ADAMTS9: variants seen among roughly 807,000 people sequenced by gnomAD.
ADAMTS9 encodes A disintegrin and metalloproteinase with thrombospondin motifs 9.
A neutral mutation model predicts 257.1 loss-of-function variants in ADAMTS9; 107 were observed. The observed-to-expected ratio is 0.42, with a 90% CI of 0.36 to 0.49. The LOEUF is 0.49. Ranked by LOEUF, ADAMTS9 falls within the 20% of genes least tolerant of loss-of-function variation. The pLI, the probability that ADAMTS9 is intolerant of heterozygous loss-of-function variation, is 0.03. For missense variants in ADAMTS9, 2,353 were observed against 2,469.1 expected (o/e 0.95, Z 1.00); for synonymous variants, 982 against 880.9 (o/e 1.11, Z -2.03).
intron 28 of ADAMTS9, chr3:64,590,078 G>A (rs904893073): frequency 6.6e-6 from 1 of 152,170 alleles, no homozygotes; most frequent in African/African-American, 2.4e-5. Flanking sequence ...AATAAATGGA[G>A]CATGCATATT....
chr3:64,595,319 GTTC>G (rs1175855306), intron 27 of ADAMTS9, among the ~76,000 whole-genome samples: 1 of 152,128 alleles, frequency 6.6e-6, no homozygotes, highest in African/African-American at 2.4e-5. Context: ...ACTGGATAAG[GTTC>G]TGACTCCTGG....
chr3:64,522,548 T>C (rs1420353196), intron 38 of ADAMTS9: 3 of 251,624 alleles, frequency 1.2e-5, no homozygotes, highest in Non-Finnish European at 2.3e-5. Context: ...ACACATAAAA[T>C]CATATGAAAT....
At chr3:64,601,385 C>T (rs1212315267) in intron 26 of ADAMTS9, among the ~76,000 whole-genome samples, 1 of 152,142 alleles carries the variant, frequency 6.6e-6, no homozygotes, top group Non-Finnish European at 1.5e-5. Flanking sequence ...TTGGATCAAA[C>T]CTACGCATCT....
At chr3:64,605,276 T>C (rs1019258492) in intron 23 of ADAMTS9, among the ~76,000 whole-genome samples, 44 of 152,204 alleles carry the variant, frequency 2.9e-4, no homozygotes, top group African/African-American at 1.0e-3. Flanking sequence ...AAGGGAAATA[T>C]ATTTTGAATC....
intron 12 of ADAMTS9, among the ~76,000 whole-genome samples, chr3:64,639,553 AC>A (rs370040806): frequency 8.3e-6 from 1 of 120,030 alleles, no homozygotes; most frequent in East Asian, 2.4e-4. Flanking sequence ...TCAAGACTTA[AC>A]AAAGTATTAT....
rs1210504934 is a variant in ADAMTS9 at position 64,522,268 on chromosome 3, G to C, written c.5719-8C>G. 1 of 1,613,396 alleles carries C rather than the reference G, an allele frequency of 6.2e-7. No individual in the cohort carries two copies. Among genetic ancestry groups the C allele is most frequent in the Non-Finnish European group, 8.5e-7 (1 of 1,179,538 alleles). ...TACGACTCGGGTACCATCCTGCAAG[G>C]AGATGCATCATGTTAGCCTGCCTGC... On this transcript the variant is annotated splice_region_variant and splice_polypyrimidine_tract_variant and intron_variant, in intron 38 of 39. Transcript: ENST00000498707.
Position 64,607,095 on chromosome 3 carries a change from C to A in ADAMTS9, c.3355-16G>T. The A allele has an allele frequency of 1.2e-6, 2 of 1,612,796 alleles. No homozygotes were observed. Among genetic ancestry groups the A allele is most frequent in the Admixed American group, 1.7e-5 (1 of 59,940 alleles). On this transcript the variant is annotated splice_polypyrimidine_tract_variant and intron_variant, in intron 22 of 39. Coordinates refer to ENST00000498707, the MANE Select transcript of ADAMTS9 (RefSeq NM_182920.2). The stretch of plus-strand genomic sequence containing the variant: ...TGACACTGCACTGGAAGAAGGAGGA[C>A]AAAAGGTATATACAATTCAGCAAAT...
chr3:64,543,144 A>C (rs950226634), intron 32 of ADAMTS9, among the ~76,000 whole-genome samples: 11 of 152,334 alleles, frequency 7.2e-5, no homozygotes, highest in Middle Eastern at 3.4e-3. Flanking sequence ...AACCAAAAAA[A>C]GTCCAGGACC....
At chr3:64,621,310 T>G in intron 18 of ADAMTS9, 70 bp from the exon 19 acceptor site, 1 of 1,501,756 alleles carries the variant, frequency 6.7e-7, no homozygotes, top group Admixed American at 2.0e-5. Context: ...GACCCCGGAT[T>G]GGCAAGCATT....
chr3:64,528,720 A>G (rs1224059805), intron 38 of ADAMTS9, among the ~76,000 whole-genome samples: 1 of 152,234 alleles, frequency 6.6e-6, no homozygotes, highest in East Asian at 1.9e-4. Flanking sequence ...ACGTTATAAC[A>G]TTAATAGCCA....
intron 3 of ADAMTS9, among the ~76,000 whole-genome samples, chr3:64,667,186 T>A (rs1264236086): frequency 1.3e-5 from 2 of 151,970 alleles, no homozygotes; most frequent in South Asian, 4.2e-4. Context: ...TCCATGAGAG[T>A]GGTTTATGGA....
chr3:64,627,400 T>C (rs1397651062), intron 16 of ADAMTS9, among the ~76,000 whole-genome samples: 1 of 152,032 alleles, frequency 6.6e-6, no homozygotes, highest in Non-Finnish European at 1.5e-5. Flanking sequence ...AAAAAAATCC[T>C]ATTTTATCTT....
chr3:64,655,546 A>G, intron 6 of ADAMTS9, 30 bp downstream of exon 6: 1 of 1,556,602 alleles, frequency 6.4e-7, no homozygotes, highest in Non-Finnish European at 8.9e-7. Context: ...CCTGAGACTG[A>G]AAGATCTGAG....
At chr3:64,572,710 G>A (rs1279027734) in intron 28 of ADAMTS9, among the ~76,000 whole-genome samples, 1 of 152,154 alleles carries the variant, frequency 6.6e-6, no homozygotes, top group Non-Finnish European at 1.5e-5. Context: ...GAAGGGGAAG[G>A]TAGAGGTCAG....
At chr3:64,568,274 C>T in intron 29 of ADAMTS9, 94 bp downstream of exon 29, 1 of 1,444,442 alleles carries the variant, frequency 6.9e-7, no homozygotes, top group Non-Finnish European at 9.2e-7. Context: ...CTCGGTAAAA[C>T]CAAAACCGTG....
At chr3:64,569,706 T>C (rs1187801852) in intron 28 of ADAMTS9, among the ~76,000 whole-genome samples, 1 of 152,224 alleles carries the variant, frequency 6.6e-6, no homozygotes, top group Non-Finnish European at 1.5e-5. Flanking sequence ...AAAAGTTCAA[T>C]AGTTGCTCAT....
In ADAMTS9 at chr3:64,593,580, C is replaced by T. The variant is rs75902073; in HGVS notation, c.4356+678G>A. Reference sequence around the variant, plus strand: ...CATATTTACAGTGGCAAACCTGTCTCACCATGTCAGCTGCTGGCTAAGCAG... The same window carrying T: ...CATATTTACAGTGGCAAACCTGTCTTACCATGTCAGCTGCTGGCTAAGCAG... On this transcript the variant is annotated intron_variant, in intron 28 of 39. Coordinates refer to ENST00000498707, the MANE Select transcript of ADAMTS9 (RefSeq NM_182920.2). 6.7e-3 allele frequency among the ~76,000 whole-genome samples: 1,020 copies of T among 152,282 alleles called. 4 individuals are homozygous for T. The highest frequency in any genetic ancestry group is 0.012 in the Non-Finnish European group (788 of 68,022).
intron 30 of ADAMTS9, chr3:64,561,325 T>G (rs771170224): frequency 4.4e-4 from 136 of 306,698 alleles, no homozygotes; most frequent in Non-Finnish European, 7.0e-4. Context: ...GTTAAAGTTT[T>G]TTTTTTTTTT....
At chr3:64,574,398 C>T (rs2083776719) in intron 28 of ADAMTS9, among the ~76,000 whole-genome samples, 1 of 151,700 alleles carries the variant, frequency 6.6e-6, no homozygotes, top group Non-Finnish European at 1.5e-5. Flanking sequence ...TGCCCAGGGT[C>T]ATAGCACCAG....
Sources: gnomAD v4.1 joint callset for allele counts (sites outside exome capture counted in the v4.1 genomes callset) on GRCh38, gnomAD v4.1.1 for gene constraint, MANE v1.5 for transcripts, NCBI Gene and HGNC (gene_info 2026-07-23, HGNC 2026-07-21) for gene names.